IQCM: variants seen among roughly 807,000 people sequenced by gnomAD.
The protein encoded by IQCM is IQ motif containing M.
Under a neutral mutation model 57.6 loss-of-function variants are expected in IQCM, and 45 were observed. The observed-to-expected ratio is 0.78, with a 90% CI of 0.62 to 1.00. IQCM has a LOEUF of 1.00. IQCM is among the 50% of genes least tolerant of loss of function. IQCM has a pLI of 0.00. For synonymous variants in IQCM, 148 were observed against 158.9 expected (o/e 0.93, Z 0.51); for missense variants, 468 against 511.6 (o/e 0.91, Z 0.82).
Position 149,810,597 on chromosome 4 carries a change from G to A in IQCM, c.-49+4714C>T, listed in dbSNP as rs185215527. On this transcript the variant is annotated intron_variant, in intron 2 of 13. Transcript: ENST00000636793. ...CCTGAGCAGCTGGGATTAAAGGCAC[G>A]TGCCACCACGCCCGGCTAAGTTTTG... Among the ~76,000 whole-genome samples, 3 of 151,728 alleles carry A rather than the reference G, an allele frequency of 2.0e-5. No homozygotes were observed. The East Asian group carries it at 5.9e-4, about 30-fold the overall frequency.
chr4:149,373,138 G>T (rs1163738902), intron 13 of IQCM, among the ~76,000 whole-genome samples: 1 of 152,042 alleles, frequency 6.6e-6, no homozygotes, highest in East Asian at 1.9e-4. Flanking sequence ...AAATACTCTG[G>T]ATCTTATTTT....
intron 12 of IQCM, among the ~76,000 whole-genome samples, chr4:149,484,157 C>T (rs369086671): frequency 6.6e-6 from 1 of 151,816 alleles, no homozygotes; most frequent in East Asian, 1.9e-4. Context: ...TATCTCTTTC[C>T]ATCCCTGAAA....
chr4:149,502,034 T>C (rs1249436479), intron 12 of IQCM, among the ~76,000 whole-genome samples: 3 of 152,152 alleles, frequency 2.0e-5, no homozygotes, highest in Non-Finnish European at 4.4e-5. Context: ...ACTGGTTATG[T>C]AAATTTTTAT....
intron 7 of IQCM, among the ~76,000 whole-genome samples, chr4:149,680,598 T>C (rs898625148): frequency 6.6e-6 from 1 of 151,416 alleles, no homozygotes; most frequent in Non-Finnish European, 1.5e-5. Context: ...TATTAGCACC[T>C]ACTATGTATG....
chr4:149,712,428 C>A (rs973898428), intron 5 of IQCM, among the ~76,000 whole-genome samples: 3 of 152,026 alleles, frequency 2.0e-5, no homozygotes, highest in African/African-American at 2.4e-5. Flanking sequence ...ACAGAAGTAC[C>A]CCCTCCATGG....
intron 12 of IQCM, among the ~76,000 whole-genome samples, chr4:149,469,924 G>A (rs1329728442): frequency 5.3e-5 from 8 of 152,180 alleles, no homozygotes; most frequent in Non-Finnish European, 1.2e-4. Flanking sequence ...AACAAAGGCT[G>A]AGAGATTTTG....
intron 13 of IQCM, among the ~76,000 whole-genome samples, chr4:149,397,931 C>T (rs991930753): frequency 6.6e-6 from 1 of 151,930 alleles, no homozygotes; most frequent in Non-Finnish European, 1.5e-5. Context: ...TAGTTTAATG[C>T]AGTCCTATTT....
intron 12 of IQCM, among the ~76,000 whole-genome samples, chr4:149,525,257 T>C (rs7667875): frequency 0.21 from 32,547 of 151,850 alleles, 4,380 homozygotes; most frequent in Non-Finnish European, 0.29. Flanking sequence ...TATTACAAAA[T>C]AGAATGTAGC....
intron 13 of IQCM, among the ~76,000 whole-genome samples, chr4:149,389,951 T>G (rs1340719368): frequency 6.6e-6 from 1 of 152,022 alleles, no homozygotes; most frequent in Non-Finnish European, 1.5e-5. Context: ...GTTCTATTTT[T>G]GGTCCCTTGT....
intron 2 of IQCM, among the ~76,000 whole-genome samples, chr4:149,748,319 T>A (rs953227921): frequency 7.9e-5 from 12 of 152,210 alleles, no homozygotes; most frequent in Non-Finnish European, 1.5e-4. Context: ...TCTATTCTTT[T>A]ATGGGCATGC....
intron 12 of IQCM, among the ~76,000 whole-genome samples, chr4:149,459,365 G>A (rs569713322): frequency 2.0e-5 from 3 of 152,342 alleles, no homozygotes; most frequent in African/African-American, 7.2e-5. Context: ...TAACTGAAAA[G>A]AGAACAGTGA....
chr4:149,695,001 A>G (rs1763234783), intron 5 of IQCM, among the ~76,000 whole-genome samples: 1 of 152,216 alleles, frequency 6.6e-6, no homozygotes, highest in Admixed American at 6.5e-5. Flanking sequence ...AAAGTTTCAA[A>G]TTTATAGACA....
intron 12 of IQCM, among the ~76,000 whole-genome samples, chr4:149,468,266 C>T (rs947849633): frequency 2.6e-5 from 4 of 152,110 alleles, no homozygotes; most frequent in African/African-American, 9.7e-5. Flanking sequence ...AAAATCAGGA[C>T]ACGCCCACCC....
chr4:149,545,851 G>A (rs967871735), intron 12 of IQCM, among the ~76,000 whole-genome samples: 7 of 151,942 alleles, frequency 4.6e-5, no homozygotes, highest in Non-Finnish European at 8.8e-5. Flanking sequence ...TAAGTTCTAG[G>A]GTACATGTGC....
At chr4:149,636,370 C>T (rs901686179) in intron 7 of IQCM, among the ~76,000 whole-genome samples, 3 of 152,194 alleles carry the variant, frequency 2.0e-5, no homozygotes, top group African/African-American at 4.8e-5. Flanking sequence ...GGTGTCTGCA[C>T]TGACTCTCCT....
intron 13 of IQCM, among the ~76,000 whole-genome samples, chr4:149,418,909 A>C (rs1733934968): frequency 6.6e-6 from 1 of 152,172 alleles, no homozygotes; most frequent in Admixed American, 6.6e-5. Context: ...CAAAGAGAAT[A>C]AAATACCTAG....
intron 10 of IQCM, among the ~76,000 whole-genome samples, chr4:149,559,751 C>A (rs993253741): frequency 6.6e-6 from 1 of 152,138 alleles, no homozygotes; most frequent in Non-Finnish European, 1.5e-5. Context: ...TGTTAGCACA[C>A]GTTATGTAAT....
At chr4:149,399,354 T>C (rs1023323927) in intron 13 of IQCM, among the ~76,000 whole-genome samples, 1 of 151,650 alleles carries the variant, frequency 6.6e-6, no homozygotes, top group Non-Finnish European at 1.5e-5. Flanking sequence ...AATAGCTTCA[T>C]AAATACGTAT....
chr4:149,611,650 G>C (rs548392799), intron 8 of IQCM, among the ~76,000 whole-genome samples: 31 of 152,184 alleles, frequency 2.0e-4, no homozygotes, highest in African/African-American at 6.7e-4. Context: ...CTCATGGAGA[G>C]AGGGAGTAAA....
Sources: allele counts gnomAD v4.1 joint callset (sites outside exome capture counted in the v4.1 genomes callset), GRCh38; gene constraint gnomAD v4.1.1; transcripts MANE v1.5; gene names NCBI Gene and HGNC (gene_info 2026-07-23, HGNC 2026-07-21).